Variants in AXL observed in about 807,000 individuals in gnomAD.
AXL encodes the protein tyrosine-protein kinase receptor UFO.
Under a neutral mutation model 104.5 loss-of-function variants are expected in AXL, and 52 were observed. That is an observed-to-expected ratio of 0.50 (90% CI 0.40 to 0.63). The LOEUF is 0.63. Among genes scored for constraint, AXL ranks in the 20% least tolerant of loss-of-function variants. The pLI is 0.00. For missense variants in AXL, 1,024 were observed against 1,188.5 expected, an observed-to-expected ratio of 0.86 and a Z score of 2.04; for synonymous variants, 455 against 473.7, an observed-to-expected ratio of 0.96 and a Z score of 0.51.
At chr19:41,238,951 A>G (rs1294320139) in intron 8 of AXL, among the ~76,000 whole-genome samples, 1 of 151,964 alleles carries the variant, frequency 6.6e-6, no homozygotes, top group African/African-American at 2.4e-5. Flanking sequence ...ATACCCTGAC[A>G]TAGGGAGGGA....
At chr19:41,251,227 T>C (rs1188901958) in intron 14 of AXL, among the ~76,000 whole-genome samples, 1 of 151,838 alleles carries the variant, frequency 6.6e-6, no homozygotes, top group African/African-American at 2.4e-5. Flanking sequence ...CACTTGAGGC[T>C]GGGAGTTTGA....
rs1170474844 is a variant in AXL at position 41,243,717 on chromosome 19, C to T, written c.1537+10C>T. ...ACCACTGAAGCTACCTGTAAGTGAA[C>T]CCTATGCCCCACTGCCCTGGCCTGG... On this transcript the variant is annotated intron_variant, in intron 12 of 19. Coordinates refer to ENST00000301178, the MANE Select transcript of AXL (RefSeq NM_021913.5). The T allele has an allele frequency of 1.9e-6, 3 of 1,609,596 alleles. No homozygotes were observed. The highest frequency in any genetic ancestry group is 2.6e-6 in the Non-Finnish European group (3 of 1,176,030).
chr19:41,248,963 G>A, intron 14 of AXL, 143 bp downstream of exon 14: 2 of 842,572 alleles, frequency 2.4e-6, no homozygotes, highest in Non-Finnish European at 3.7e-6. Context: ...CTCAATAGAA[G>A]GAATTGAATA....
intron 18 of AXL, 77 bp from the exon 19 acceptor site, chr19:41,257,416 G>T (rs781657247): frequency 1.3e-6 from 2 of 1,552,384 alleles, no homozygotes; most frequent in Admixed American, 3.4e-5. Context: ...ATAAGTGTGG[G>T]TGTACCCATG....
chr19:41,232,641 A>T (rs551395196), intron 6 of AXL, among the ~76,000 whole-genome samples: 1 of 151,728 alleles, frequency 6.6e-6, no homozygotes, highest in African/African-American at 2.4e-5. Flanking sequence ...AAAAAAAAAG[A>T]AAGAAAGAAA....
intron 4 of AXL, chr19:41,227,003 C>G (rs1390525638): frequency 6.4e-6 from 1 of 157,388 alleles, no homozygotes; most frequent in African/African-American, 2.4e-5. Flanking sequence ...GAGGATGAGA[C>G]AGGAGGATCG....
At chr19:41,240,646 T>C (rs1172201757) in intron 10 of AXL, among the ~76,000 whole-genome samples, 1 of 152,138 alleles carries the variant, frequency 6.6e-6, no homozygotes, top group African/African-American at 2.4e-5. Context: ...CCTTCCTACA[T>C]TTCTTCACAT....
chr19:41,231,646 GC>G (rs2033990534), intron 6 of AXL, among the ~76,000 whole-genome samples: 1 of 152,116 alleles, frequency 6.6e-6, no homozygotes, highest in Non-Finnish European at 1.5e-5. Flanking sequence ...AACAAAATTG[GC>G]CAGGCGCGGT....
At chr19:41,247,676 T>C (rs2034292585) in intron 12 of AXL, among the ~76,000 whole-genome samples, 1 of 152,084 alleles carries the variant, frequency 6.6e-6, no homozygotes, top group East Asian at 1.9e-4. Context: ...CCTCCACCCC[T>C]GGGCTCAAGT....
At chr19:41,251,009 G>A (rs2034353446) in intron 14 of AXL, among the ~76,000 whole-genome samples, 2 of 152,222 alleles carry the variant, frequency 1.3e-5, no homozygotes, top group African/African-American at 4.8e-5. Flanking sequence ...GTGCTGGGAA[G>A]CAGCCTGGGC....
At position 41,248,479 on chromosome 19, in the gene AXL, C is replaced by G. The variant is rs771912134; in HGVS notation, c.1538-35C>G. The stretch of plus-strand genomic sequence containing the variant: ...GAATGTCACCTGAATGTCAGCCCTG[C>G]TCCATGACTCTGTCCACCCCAACCT... On this transcript the variant is annotated intron_variant, in intron 12 of 19. Transcript: ENST00000301178. 5.0e-6 allele frequency: 8 copies of G among 1,601,964 alleles called. No individual in the cohort carries two copies. The Middle Eastern group carries it at 8.4e-4, about 167-fold the overall frequency.
chr19:41,260,167 T>G lies in AXL; in HGVS notation c.*263T>G. The stretch of plus-strand genomic sequence containing the variant: ...CTCCCAGGTGTTAACATTCCAAGAC[T>G]CTAGAGTCCAAGGTTTAAAGAGTCT... On this transcript the variant is annotated 3_prime_UTR_variant, in exon 20 of 20. Transcript: ENST00000301178. 2.3e-6 allele frequency: 1 copy of G among 439,626 alleles called. No individual in the cohort carries two copies. The highest frequency in any genetic ancestry group is 4.0e-6 in the Non-Finnish European group (1 of 248,832). The allele number at this position is 439,626 out of a possible 1,614,324, so 27.2% of individuals were successfully genotyped here.
intron 14 of AXL, among the ~76,000 whole-genome samples, chr19:41,252,061 C>T (rs1332758408): frequency 6.8e-6 from 1 of 147,894 alleles, no homozygotes; most frequent in Non-Finnish European, 1.5e-5. Context: ...TGCAGTGACC[C>T]GAGATCAAAC....
intron 16 of AXL, among the ~76,000 whole-genome samples, 171 bp from the exon 17 acceptor site, chr19:41,253,428 G>T (rs1487535046): frequency 6.6e-6 from 1 of 152,134 alleles, no homozygotes; most frequent in Admixed American, 6.6e-5. Context: ...CAAGAGGAAG[G>T]CTGGAGCAAG....
chr19:41,259,485 C>G, intron 19 of AXL, 68 bp from the exon 20 acceptor site: 1 of 1,400,232 alleles, frequency 7.1e-7, no homozygotes, highest in Admixed American at 2.2e-5. Context: ...TAAAATGTCC[C>G]CAGGCTTCCA....
intron 8 of AXL, 80 bp downstream of exon 8, chr19:41,238,689 G>A (rs1321458668): frequency 6.7e-7 from 1 of 1,499,954 alleles, no homozygotes; most frequent in Non-Finnish European, 9.0e-7. Context: ...ATAGATGGTT[G>A]TGAAGGTTGG....
At chr19:41,248,931 C>G (rs955043146) in intron 14 of AXL, 111 bp downstream of exon 14, 1 of 1,112,258 alleles carries the variant, frequency 9.0e-7, no homozygotes, top group Non-Finnish European at 1.3e-6. Context: ...TCCAGATAGG[C>G]AATGGAGCCC....
intron 17 of AXL, among the ~76,000 whole-genome samples, chr19:41,255,076 C>T (rs911324120): frequency 2.0e-5 from 3 of 152,192 alleles, no homozygotes; most frequent in Non-Finnish European, 4.4e-5. Flanking sequence ...CAATCACTAC[C>T]GCCAAGTGGT....
intron 4 of AXL, among the ~76,000 whole-genome samples, chr19:41,230,308 C>T (rs1322971463): frequency 7.0e-6 from 1 of 142,208 alleles, no homozygotes; most frequent in Non-Finnish European, 1.5e-5. Flanking sequence ...GTATCTCTCT[C>T]TGGGGTGTAA....
Sources: gnomAD v4.1 joint callset for allele counts (sites outside exome capture counted in the v4.1 genomes callset) on GRCh38, gnomAD v4.1.1 for gene constraint, MANE v1.5 for transcripts, NCBI Gene and HGNC (gene_info 2026-07-23, HGNC 2026-07-21) for gene names.